Variants in ROBO2 observed in about 807,000 individuals in gnomAD.
The protein encoded by ROBO2 is roundabout homolog 2.
ROBO2 carries 53 observed loss-of-function variants against 160.8 expected under a neutral mutation model. The observed-to-expected ratio is 0.33, with a 90% CI of 0.26 to 0.41. The LOEUF (loss-of-function observed/expected upper bound fraction) is 0.41, where lower values mean the gene tolerates loss of function less well. Among genes scored for constraint, ROBO2 ranks in the 10% least tolerant of loss-of-function variants. The pLI is 1.00. For synonymous variants in ROBO2, 664 were observed against 611.7 expected (o/e 1.09, Z -1.26); for missense variants, 1,577 against 1,722.4 (o/e 0.92, Z 1.49).
chr3:77,210,175 A>G (rs1474795244), intron 2 of ROBO2, among the ~76,000 whole-genome samples: 2 of 151,522 alleles, frequency 1.3e-5, no homozygotes, highest in African/African-American at 2.4e-5. Flanking sequence ...TTCCTTCTTC[A>G]TTGTGGAAAA....
intron 2 of ROBO2, among the ~76,000 whole-genome samples, chr3:77,203,953 A>C (rs2083166640): frequency 6.6e-6 from 1 of 152,228 alleles, no homozygotes; most frequent in Non-Finnish European, 1.5e-5. Context: ...TAACTTTAAT[A>C]AAAGTAAGGC....
rs572451732 is a variant in ROBO2 at position 77,521,255 on chromosome 3, G to T, written c.807-1520G>T. On this transcript the variant is annotated intron_variant, in intron 5 of 25. Transcript: ENST00000461745. Reference sequence around the variant, plus strand: ...AAGCACATTAAGAGGCCAAGTCCATGAATACAACTCTGGCCATTTTGCTCC... The same window carrying T: ...AAGCACATTAAGAGGCCAAGTCCATTAATACAACTCTGGCCATTTTGCTCC... Among the ~76,000 whole-genome samples, 14 of 151,310 alleles carry T rather than the reference G, an allele frequency of 9.3e-5. No homozygotes were observed. In the Admixed American group the frequency reaches 9.3e-4, roughly 10 times the overall value.
intron 1 of ROBO2, among the ~76,000 whole-genome samples, chr3:75,919,252 G>T (rs1489308488): frequency 2.6e-5 from 4 of 152,122 alleles, no homozygotes; most frequent in Non-Finnish European, 4.4e-5. Flanking sequence ...TATGAGGGGT[G>T]TTGAATTTTA....
intron 2 of ROBO2, among the ~76,000 whole-genome samples, chr3:76,863,958 T>A (rs920574775): frequency 2.6e-5 from 4 of 152,098 alleles, no homozygotes; most frequent in African/African-American, 9.7e-5. Flanking sequence ...TTAAGGAATT[T>A]CACTGTCATG....
chr3:76,917,013 A>G (rs1261818466), intron 2 of ROBO2, among the ~76,000 whole-genome samples: 1 of 152,152 alleles, frequency 6.6e-6, no homozygotes, highest in Non-Finnish European at 1.5e-5. Context: ...AAAAAAGCAG[A>G]CAGATATAGC....
chr3:76,235,373 G>T (rs1006178697), intron 2 of ROBO2, among the ~76,000 whole-genome samples: 1 of 152,142 alleles, frequency 6.6e-6, no homozygotes, highest in Non-Finnish European at 1.5e-5. Context: ...GCCCAGCATT[G>T]CCAGCAACCA....
chr3:76,990,878 A>C (rs115289414), intron 2 of ROBO2, among the ~76,000 whole-genome samples: 2,088 of 152,232 alleles, frequency 0.014, 54 homozygotes, highest in African/African-American at 0.048. Flanking sequence ...GTGAGCATGC[A>C]TACAGCTCCA....
At chr3:76,830,424 G>A (rs180775028) in intron 2 of ROBO2, among the ~76,000 whole-genome samples, 60 of 151,996 alleles carry the variant, frequency 3.9e-4, no homozygotes, top group African/African-American at 1.3e-3. Context: ...TTTCAGTATA[G>A]CTTTCATAAT....
intron 2 of ROBO2, among the ~76,000 whole-genome samples, chr3:77,333,640 C>T (rs2066197524): frequency 6.6e-6 from 1 of 152,200 alleles, no homozygotes; most frequent in South Asian, 2.1e-4. Context: ...CCTACCATCA[C>T]ATATGCCTAA....
intron 2 of ROBO2, among the ~76,000 whole-genome samples, chr3:77,220,711 T>C (rs775258240): frequency 6.6e-6 from 1 of 152,134 alleles, no homozygotes; most frequent in African/African-American, 2.4e-5. Flanking sequence ...TAAACTTTCA[T>C]GGTAGGTGTA....
rs560907200 is a variant in ROBO2 at position 76,437,161 on chromosome 3, TTTAA to T, written c.109+499564_109+499567del. On this transcript the variant is annotated intron_variant, in intron 2 of 26. Coordinates refer to the ROBO2 transcript ENST00000487694. The stretch of plus-strand genomic sequence containing the variant: ...AGTAGTATACTGAAGCTTTTGAAAC[TTTAA>T]TTAACACCAAAATTTTCAAATATAC... Among the ~76,000 whole-genome samples, 1,408 of 152,260 alleles carry T rather than the reference TTTAA, an allele frequency of 9.2e-3. 28 individuals are homozygous for T. The highest frequency in any genetic ancestry group is 0.032 in the African/African-American group (1,311 of 41,548).
At chr3:76,884,942 G>GATGGTT (rs1293098678) in intron 2 of ROBO2, among the ~76,000 whole-genome samples, 1 of 152,128 alleles carries the variant, frequency 6.6e-6, no homozygotes, top group African/African-American at 2.4e-5. Context: ...ACAGAGGAGA[G>GATGGTT]ATGGTTAATC....
At chr3:77,386,065 G>C (rs2074066370) in intron 2 of ROBO2, among the ~76,000 whole-genome samples, 1 of 152,124 alleles carries the variant, frequency 6.6e-6, no homozygotes, top group Non-Finnish European at 1.5e-5. Context: ...CCTAATGAAG[G>C]TAAAATGCAG....
intron 2 of ROBO2, among the ~76,000 whole-genome samples, chr3:76,962,530 C>T (rs968532212): frequency 6.7e-6 from 1 of 149,468 alleles, no homozygotes; most frequent in Non-Finnish European, 1.5e-5. Context: ...CCCAGCTACT[C>T]GAGAGGCTGA....
At chr3:76,185,375 A>C (rs1413304088) in intron 2 of ROBO2, among the ~76,000 whole-genome samples, 1 of 151,778 alleles carries the variant, frequency 6.6e-6, no homozygotes, top group Non-Finnish European at 1.5e-5. Context: ...ATATATTTTC[A>C]CATGTTTATT....
At chr3:76,061,869 C>T (rs915406776) in intron 2 of ROBO2, among the ~76,000 whole-genome samples, 4 of 152,014 alleles carry the variant, frequency 2.6e-5, no homozygotes, top group East Asian at 1.9e-4. Flanking sequence ...TTTTTCTGTC[C>T]GACAGGGGCC....
At chr3:76,191,609 G>T (rs1019056694) in intron 2 of ROBO2, among the ~76,000 whole-genome samples, 13 of 151,676 alleles carry the variant, frequency 8.6e-5, no homozygotes, top group Admixed American at 2.0e-4. Context: ...GTTCAATTCT[G>T]CATTATAAAA....
intron 2 of ROBO2, among the ~76,000 whole-genome samples, chr3:75,955,460 G>A (rs58847062): frequency 0.034 from 5,147 of 151,402 alleles, 302 homozygotes; most frequent in African/African-American, 0.12. Flanking sequence ...ATCTCGTGAC[G>A]TGATTGTGAA....
intron 2 of ROBO2, among the ~76,000 whole-genome samples, chr3:77,151,078 AG>A (rs2077512880): frequency 6.6e-6 from 1 of 152,136 alleles, no homozygotes; most frequent in Non-Finnish European, 1.5e-5. Context: ...CTGGCTTAAA[AG>A]GGGTACTCAA....
Sources: allele counts gnomAD v4.1 joint callset (sites outside exome capture counted in the v4.1 genomes callset), GRCh38; gene constraint gnomAD v4.1.1; transcripts MANE v1.5; gene names NCBI Gene and HGNC (gene_info 2026-07-23, HGNC 2026-07-21).